Variants in BTBD9 observed in about 807,000 individuals in gnomAD.
BTBD9 encodes the protein BTB domain containing 9, also known as BTB/POZ domain-containing protein 9.
BTBD9 carries 49 observed loss-of-function variants against 64.3 expected under a neutral mutation model. The observed-to-expected ratio is 0.76, with a 90% CI of 0.61 to 0.97. The LOEUF (loss-of-function observed/expected upper bound fraction) is 0.97, where lower values mean the gene tolerates loss of function less well. BTBD9 is among the 50% of genes least tolerant of loss of function. The pLI is 0.00. For missense variants in BTBD9, 598 were observed against 762.1 expected (o/e 0.78, Z 2.53); for synonymous variants, 260 against 274.7 (o/e 0.95, Z 0.53).
chr6:38,190,065 G>A (rs1470938751), intron 10 of BTBD9, among the ~76,000 whole-genome samples: 1 of 151,344 alleles, frequency 6.6e-6, no homozygotes, highest in Non-Finnish European at 1.5e-5. Flanking sequence ...TGTGGCCTCA[G>A]CCTCCCAAAG....
intron 6 of BTBD9, among the ~76,000 whole-genome samples, chr6:38,352,519 G>A (rs184848683): frequency 6.7e-4 from 102 of 152,290 alleles, no homozygotes; most frequent in African/African-American, 2.4e-3. Flanking sequence ...CAAACTATAT[G>A]AATTGACAGA....
At chr6:38,513,631 T>C (rs558698249) in intron 6 of BTBD9, among the ~76,000 whole-genome samples, 1 of 152,156 alleles carries the variant, frequency 6.6e-6, no homozygotes, top group Admixed American at 6.6e-5. Context: ...AAGATTAATA[T>C]GAAGACACAC....
intron 9 of BTBD9, among the ~76,000 whole-genome samples, chr6:38,250,804 G>T (rs1483398910): frequency 6.6e-6 from 1 of 152,166 alleles, no homozygotes; most frequent in Non-Finnish European, 1.5e-5. Flanking sequence ...CGAGCGAGGT[G>T]GCTCACGCCT....
chr6:38,387,300 G>C (rs1056882235), intron 6 of BTBD9, among the ~76,000 whole-genome samples: 7 of 152,240 alleles, frequency 4.6e-5, no homozygotes, highest in African/African-American at 1.2e-4. Flanking sequence ...ACTTTGGGAG[G>C]CTGAGGCGGG....
intron 1 of BTBD9, among the ~76,000 whole-genome samples, chr6:38,601,844 A>G (rs1777252367): frequency 6.6e-6 from 1 of 152,230 alleles, no homozygotes; most frequent in African/African-American, 2.4e-5. Flanking sequence ...GGGGTTCACT[A>G]AAGTAACCAC....
chr6:38,467,922 T>G (rs1055358924), intron 6 of BTBD9, among the ~76,000 whole-genome samples: 3 of 152,242 alleles, frequency 2.0e-5, no homozygotes, highest in Non-Finnish European at 2.9e-5. Flanking sequence ...TAGCTTACTT[T>G]TTTTTCTTTA....
intron 6 of BTBD9, among the ~76,000 whole-genome samples, chr6:38,449,680 G>T (rs535761537): frequency 5.1e-4 from 78 of 152,212 alleles, no homozygotes; most frequent in African/African-American, 1.3e-3. Flanking sequence ...CAAGGTAGGA[G>T]GATTGCTTGG....
intron 6 of BTBD9, among the ~76,000 whole-genome samples, chr6:38,512,258 C>G (rs577568371): frequency 6.6e-6 from 1 of 152,206 alleles, no homozygotes; most frequent in African/African-American, 2.4e-5. Flanking sequence ...CAGGCGTGAA[C>G]CACCATGCCC....
chr6:38,576,237 T>C lies in BTBD9; in HGVS notation c.1154+1363A>G, dbSNP rs576414920. Among the ~76,000 whole-genome samples the C allele has an allele frequency of 5.9e-5, 9 of 152,254 alleles. No individual in the cohort carries two copies. In the South Asian group the frequency reaches 1.7e-3, roughly 28 times the overall value. ...CCTCCTCTATGTGGGGGTCCCTCTG[T>C]CACTCTGGAAGTATCCCTAGGCAGC... On this transcript the variant is annotated intron_variant, in intron 6 of 10. Transcript: ENST00000481247.
At chr6:38,311,035 T>A (rs753597381) in intron 7 of BTBD9, among the ~76,000 whole-genome samples, 12 of 152,228 alleles carry the variant, frequency 7.9e-5, no homozygotes, top group Non-Finnish European at 1.3e-4. Flanking sequence ...GGTCTCGAAC[T>A]GCTGACCTCA....
rs939582982 is a variant in BTBD9 at position 38,336,573 on chromosome 6, C to A, written c.1264+8411G>T. Among the ~76,000 whole-genome samples the A allele has an allele frequency of 3.9e-5, 6 of 152,226 alleles. No individual in the cohort carries two copies. In the East Asian group the frequency reaches 9.7e-4, roughly 25 times the overall value. On this transcript the variant is annotated intron_variant, in intron 7 of 10. Coordinates refer to ENST00000481247, the MANE Select transcript of BTBD9 (RefSeq NM_001099272.2). Reference sequence around the variant, plus strand: ...CACAAGAACAGCATGGGGGTAACTGCCCCCATGATTCAATTACCTCCCACC... The same window carrying A: ...CACAAGAACAGCATGGGGGTAACTGACCCCATGATTCAATTACCTCCCACC...
In BTBD9 at chr6:38,606,980, C is replaced by T. The variant is rs1240451948; in HGVS notation, c.-27-8859G>A. 3.3e-5 allele frequency among the ~76,000 whole-genome samples: 5 copies of T among 152,256 alleles called. No homozygotes were observed. In the East Asian group the frequency reaches 9.6e-4, roughly 29 times the overall value. On this transcript the variant is annotated intron_variant, in intron 1 of 10. Transcript: ENST00000481247. ...AATGATTCTGACTCTGACTTCTAGA[C>T]CTGTCAGCTAACTCCTCAGAGCAGC...
chr6:38,578,065 C>A (rs1191582444), intron 5 of BTBD9, among the ~76,000 whole-genome samples: 2 of 152,046 alleles, frequency 1.3e-5, no homozygotes, highest in Non-Finnish European at 2.9e-5. Flanking sequence ...CTCACCTATA[C>A]CATATTAGAA....
At chr6:38,298,949 G>A (rs1762271822) in intron 7 of BTBD9, among the ~76,000 whole-genome samples, 1 of 151,622 alleles carries the variant, frequency 6.6e-6, no homozygotes, top group African/African-American at 2.4e-5. Flanking sequence ...TTGGTGTGCT[G>A]CACCCATTAA....
At chr6:38,399,386 G>C (rs1562129273) in intron 6 of BTBD9, among the ~76,000 whole-genome samples, 1 of 152,178 alleles carries the variant, frequency 6.6e-6, no homozygotes, top group East Asian at 1.9e-4. Context: ...GGACTTGGGA[G>C]CATAAAGACT....
chr6:38,610,364 G>C (rs1311653352), intron 1 of BTBD9, among the ~76,000 whole-genome samples: 2 of 152,174 alleles, frequency 1.3e-5, no homozygotes, highest in African/African-American at 4.8e-5. Context: ...TGGATAAAGT[G>C]AGATTTAAGT....
chr6:38,286,851 G>A (rs1317027700), intron 8 of BTBD9, among the ~76,000 whole-genome samples: 1 of 151,980 alleles, frequency 6.6e-6, no homozygotes, highest in African/African-American at 2.4e-5. Context: ...GGAGGCCGAG[G>A]CGGGCTGATC....
chr6:38,208,502 CTGGG>C (rs1394144730), intron 9 of BTBD9, among the ~76,000 whole-genome samples: 2 of 152,084 alleles, frequency 1.3e-5, no homozygotes, highest in African/African-American at 4.8e-5. Context: ...AGCCCTTAAG[CTGGG>C]CCTGCATGTC....
intron 4 of BTBD9, among the ~76,000 whole-genome samples, chr6:38,586,669 T>C (rs1776543621): frequency 6.6e-6 from 1 of 152,212 alleles, no homozygotes; most frequent in South Asian, 2.1e-4. Context: ...ACCTATCTTT[T>C]CAAGTCGTCA....
Sources: gnomAD v4.1 joint callset for allele counts (sites outside exome capture counted in the v4.1 genomes callset) on GRCh38, gnomAD v4.1.1 for gene constraint, MANE v1.5 for transcripts, NCBI Gene and HGNC (gene_info 2026-07-23, HGNC 2026-07-21) for gene names.